Variants in CCDC141 observed in about 807,000 individuals in gnomAD.
CCDC141 encodes coiled-coil domain-containing protein 141.
CCDC141 carries 168 observed loss-of-function variants against 181.0 expected under a neutral mutation model. The ratio of observed to expected loss-of-function variants is 0.93; its 90% CI spans 0.82 to 1.05. The LOEUF (loss-of-function observed/expected upper bound fraction) is 1.05, where lower values mean the gene tolerates loss of function less well. Ranked by LOEUF, CCDC141 falls within the 50% of genes least tolerant of loss-of-function variation. The probability of loss-of-function intolerance (pLI) is 0.00; values close to 1 mark genes in which losing one functional copy is unlikely to be tolerated. For synonymous variants in CCDC141, 666 were observed against 642.3 expected (o/e 1.04, Z -0.56); for missense variants, 1,902 against 1,788.5 (o/e 1.06, Z -1.14).
At chr2:179,019,933 AT>A (rs887547315) in intron 2 of CCDC141, among the ~76,000 whole-genome samples, 2 of 151,752 alleles carry the variant, frequency 1.3e-5, no homozygotes, top group Admixed American at 1.3e-4. Context: ...TGCCCAGCTA[AT>A]TTTTCGAGAC....
intron 2 of CCDC141, among the ~76,000 whole-genome samples, chr2:179,021,573 C>G (rs2042693172): frequency 6.6e-6 from 1 of 152,114 alleles, no homozygotes; most frequent in Admixed American, 6.6e-5. Context: ...TTCAGGGGCT[C>G]CTGTGCTAAA....
chr2:178,817,781 T>C, the CCDC141 span: 2 of 250,504 alleles, frequency 8.0e-6, no homozygotes, highest in South Asian at 7.5e-5. Context: ...CCTCCTCCCT[T>C]CCTTCCTTCC....
At position 178,878,010 on chromosome 2, in the gene CCDC141, A is replaced by C; in HGVS notation, c.1853T>G (p.Phe618Cys). ...KQWQLFLKKS[F>C]ITQDLGLEFL... Reference sequence around the variant, plus strand: ...CTCAAGCCCTAGATCTTGTGTTATAAAACTCTTCTTTAAAAATAGCTGCCA... The same window carrying C: ...CTCAAGCCCTAGATCTTGTGTTATACAACTCTTCTTTAAAAATAGCTGCCA... The change falls in exon 12 of 24, where the codon TTT (phenylalanine) becomes TGT (cysteine). Residue 618 changes from phenylalanine (F) to cysteine (C), a missense_variant. Physicochemically the swap from Phe to Cys is radical, Grantham distance 205. Coordinates refer to ENST00000443758, the MANE Select transcript of CCDC141 (RefSeq NM_173648.4). 1 of 1,613,922 alleles carries C rather than the reference A, an allele frequency of 6.2e-7. No homozygotes were observed. Among genetic ancestry groups the C allele is most frequent in the South Asian group, 1.1e-5 (1 of 91,070 alleles).
At chr2:178,967,687 G>C (rs1353055466) in intron 4 of CCDC141, among the ~76,000 whole-genome samples, 1 of 152,012 alleles carries the variant, frequency 6.6e-6, no homozygotes, top group Non-Finnish European at 1.5e-5. Flanking sequence ...ATCAACTAAC[G>C]GGCAAAACAA....
At position 178,978,657 on chromosome 2, in the gene CCDC141, A is replaced by T; in HGVS notation, c.244T>A (p.Trp82Arg). The change falls in exon 3 of 24, where the codon TGG becomes AGG. Residue 82 changes from tryptophan to arginine, a missense_variant. Physicochemically the swap from Trp to Arg is moderately radical, Grantham distance 101. Coordinates refer to ENST00000443758, the MANE Select transcript of CCDC141 (RefSeq NM_173648.4). ...TTGTCTGCTTCCTGCAAGAGTTCCC[A>T]TACCCGATCTTCCAAAGCCTAAGTA... is the stretch of plus-strand genomic sequence containing the variant. ...AKLKALEDRV[W>R]ELLQEADKTA... is the part of the protein sequence containing the mutation. 1 of 1,541,292 alleles carries T rather than the reference A, an allele frequency of 6.5e-7. No individual in the cohort carries two copies.
intron 7 of CCDC141, among the ~76,000 whole-genome samples, chr2:178,913,542 G>T (rs1245146937): frequency 6.6e-6 from 1 of 151,906 alleles, no homozygotes; most frequent in Non-Finnish European, 1.5e-5. Context: ...AATGAAAAAA[G>T]TATACAAATT....
At chr2:179,039,916 C>T (rs1438012902) in intron 2 of CCDC141, among the ~76,000 whole-genome samples, 4 of 152,108 alleles carry the variant, frequency 2.6e-5, no homozygotes, top group Non-Finnish European at 5.9e-5. Flanking sequence ...GTCAGCAAAT[C>T]TGAAATAGAC....
chr2:179,044,865 C>CCTTGAGTT (rs2043436829), intron 2 of CCDC141, among the ~76,000 whole-genome samples: 1 of 152,046 alleles, frequency 6.6e-6, no homozygotes, highest in Admixed American at 6.6e-5. Context: ...AGCAGGAAGA[C>CCTTGAGTT]CTTGAGTTAT....
At chr2:179,047,102 A>T (rs924998923) in intron 2 of CCDC141, among the ~76,000 whole-genome samples, 182 bp downstream of exon 2, 5 of 152,230 alleles carry the variant, frequency 3.3e-5, no homozygotes, top group African/African-American at 9.6e-5. Flanking sequence ...GAAAATTTTT[A>T]AAAATATTGT....
intron 7 of CCDC141, among the ~76,000 whole-genome samples, chr2:178,907,881 C>G (rs1660520187): frequency 6.6e-6 from 1 of 151,974 alleles, no homozygotes; most frequent in African/African-American, 2.4e-5. Flanking sequence ...TGCTTGTAAT[C>G]CCAGCAACTT....
chr2:178,985,181 G>A (rs1357298705), intron 2 of CCDC141, among the ~76,000 whole-genome samples: 3 of 151,676 alleles, frequency 2.0e-5, no homozygotes, highest in East Asian at 1.9e-4. Context: ...ACAGCTCAAC[G>A]ACATGGAAAC....
intron 2 of CCDC141, among the ~76,000 whole-genome samples, chr2:179,043,620 C>A (rs1452564122): frequency 6.6e-6 from 1 of 152,194 alleles, no homozygotes. Flanking sequence ...TGATAAAATT[C>A]AACATCCCTT....
At chr2:178,958,723 T>G (rs1441780249) in intron 5 of CCDC141, among the ~76,000 whole-genome samples, 4 of 152,314 alleles carry the variant, frequency 2.6e-5, no homozygotes, top group Non-Finnish European at 4.4e-5. Flanking sequence ...TTTTTTTTGT[T>G]TTTTTTACTA....
intron 6 of CCDC141, among the ~76,000 whole-genome samples, chr2:178,928,166 T>C (rs999277847): frequency 2.0e-5 from 3 of 152,126 alleles, no homozygotes; most frequent in African/African-American, 7.2e-5. Flanking sequence ...TGGTCCACGC[T>C]GAGTAGCACA....
chr2:178,820,096 T>G, the CCDC141 span, among the ~76,000 whole-genome samples: 1 of 152,222 alleles, frequency 6.6e-6, no homozygotes, highest in Non-Finnish European at 1.5e-5. Flanking sequence ...TTTCCTGCAG[T>G]TTATGTTCCA....
In CCDC141 at chr2:178,992,198, T is replaced by C. The variant is rs941456106; in HGVS notation, c.226-13523A>G. Among the ~76,000 whole-genome samples the C allele has an allele frequency of 3.3e-5, 5 of 151,980 alleles. No individual in the cohort carries two copies. The South Asian group carries it at 1.0e-3, about 32-fold the overall frequency. ...AGACATGTATTTTCATTTCTCTAGG[T>C]ATTTACCTAGGGTTTTCCAGTTAAT... is the stretch of plus-strand genomic sequence containing the variant. On this transcript the variant is annotated intron_variant, in intron 2 of 23. Transcript: ENST00000443758.
At chr2:178,985,984 G>T (rs374863493) in intron 2 of CCDC141, among the ~76,000 whole-genome samples, 13 of 152,044 alleles carry the variant, frequency 8.6e-5, no homozygotes, top group East Asian at 3.8e-4. Flanking sequence ...AGCATCATTC[G>T]GATACCAAAG....
intron 6 of CCDC141, among the ~76,000 whole-genome samples, chr2:178,924,315 A>G (rs982303277): frequency 6.6e-6 from 1 of 152,194 alleles, no homozygotes; most frequent in Non-Finnish European, 1.5e-5. Context: ...TTCCTAGACC[A>G]TCTCATTAGA....
At chr2:179,029,848 A>G (rs1031936177) in intron 2 of CCDC141, among the ~76,000 whole-genome samples, 2 of 152,140 alleles carry the variant, frequency 1.3e-5, no homozygotes, top group African/African-American at 4.8e-5. Context: ...GTGATATAGA[A>G]AGTTTTCTGT....
Sources: allele counts gnomAD v4.1 joint callset (sites outside exome capture counted in the v4.1 genomes callset), GRCh38; gene constraint gnomAD v4.1.1; transcripts MANE v1.5; gene names NCBI Gene and HGNC (gene_info 2026-07-23, HGNC 2026-07-21).